Variants in PAPPA2 observed in about 807,000 individuals in gnomAD.
The protein encoded by PAPPA2 is pappalysin 2, also known as pappalysin-2.
Under a neutral mutation model 176.4 loss-of-function variants are expected in PAPPA2, and 86 were observed. The ratio of observed to expected loss-of-function variants is 0.49; its 90% CI spans 0.41 to 0.58. The LOEUF (loss-of-function observed/expected upper bound fraction) is 0.58. Among genes scored for constraint, PAPPA2 ranks in the 20% least tolerant of loss-of-function variants. The pLI is 0.00. For missense variants in PAPPA2, 2,073 were observed against 2,256.9 expected (o/e 0.92, Z 1.65); for synonymous variants, 809 against 852.2 (o/e 0.95, Z 0.88).
chr1:176,840,014 A>G (rs773535062), intron 21 of PAPPA2, among the ~76,000 whole-genome samples, 159 bp from the exon 22 acceptor site: 2 of 152,106 alleles, frequency 1.3e-5, no homozygotes, highest in Non-Finnish European at 2.9e-5. Flanking sequence ...GATTTTTTCA[A>G]CTTCTTGCAA....
At chr1:176,669,999 AACATTCCT>A (rs1238730754) in intron 3 of PAPPA2, among the ~76,000 whole-genome samples, 1 of 152,130 alleles carries the variant, frequency 6.6e-6, no homozygotes, top group Non-Finnish European at 1.5e-5. Context: ...CTGTGATAGG[AACATTCCT>A]ATCTCTGGAA....
At chr1:176,783,742 A>G in intron 17 of PAPPA2, among the ~76,000 whole-genome samples, 1 of 152,214 alleles carries the variant, frequency 6.6e-6, no homozygotes, top group East Asian at 1.9e-4. Flanking sequence ...AGCAAAGACC[A>G]AATGGGACAG....
Position 176,771,194 on chromosome 1 carries a change from T to A in PAPPA2, c.4715+14T>A. On this transcript the variant is annotated intron_variant, in intron 17 of 22. Transcript: ENST00000367662. Reference sequence around the variant, plus strand: ...TAAAGTCAGGAAGTAAGTTGAATGTTCCTGGTCTTTGGAGTTCTACCTACC... The same window carrying A: ...TAAAGTCAGGAAGTAAGTTGAATGTACCTGGTCTTTGGAGTTCTACCTACC... 1 of 1,612,052 alleles carries A rather than the reference T, an allele frequency of 6.2e-7. No homozygotes were observed. Among genetic ancestry groups the A allele is most frequent in the Non-Finnish European group, 8.5e-7 (1 of 1,178,152 alleles).
chr1:176,789,107 A>G (rs1042803131), intron 17 of PAPPA2, among the ~76,000 whole-genome samples: 2 of 152,182 alleles, frequency 1.3e-5, no homozygotes, highest in African/African-American at 2.4e-5. Flanking sequence ...CCCAATTACA[A>G]TTTAGATGCT....
chr1:176,523,681 G>A (rs962742561), intron 1 of PAPPA2, among the ~76,000 whole-genome samples: 35 of 151,928 alleles, frequency 2.3e-4, no homozygotes, highest in African/African-American at 8.2e-4. Context: ...GTAGACATTC[G>A]AGGAAGTCAA....
chr1:176,536,267 A>T (rs1395096728), intron 1 of PAPPA2, among the ~76,000 whole-genome samples: 3 of 152,222 alleles, frequency 2.0e-5, no homozygotes, highest in Non-Finnish European at 4.4e-5. Flanking sequence ...CTGGACTGCT[A>T]GGTAGGGTCC....
chr1:176,478,842 C>T (rs1652255292), intron 1 of PAPPA2, among the ~76,000 whole-genome samples: 1 of 152,168 alleles, frequency 6.6e-6, no homozygotes, highest in African/African-American at 2.4e-5. Flanking sequence ...TTCATGTATG[C>T]AGACCACATT....
At chr1:176,522,645 A>C (rs958554444) in intron 1 of PAPPA2, among the ~76,000 whole-genome samples, 1 of 152,160 alleles carries the variant, frequency 6.6e-6, no homozygotes, top group African/African-American at 2.4e-5. Flanking sequence ...TCTCTCTCTG[A>C]GTGTTAGGCA....
chr1:176,485,209 T>C (rs1488598560), intron 1 of PAPPA2, among the ~76,000 whole-genome samples: 2 of 152,178 alleles, frequency 1.3e-5, no homozygotes, highest in African/African-American at 4.8e-5. Flanking sequence ...ATAGATTACA[T>C]CAGTCTTCTG....
At chr1:176,755,520 A>G (rs150865741) in intron 14 of PAPPA2, among the ~76,000 whole-genome samples, 2 of 152,304 alleles carry the variant, frequency 1.3e-5, no homozygotes, top group African/African-American at 4.8e-5. Flanking sequence ...CAGGCTATGA[A>G]TGTAGTTGGG....
At chr1:176,508,732 C>T (rs1441512255) in intron 1 of PAPPA2, among the ~76,000 whole-genome samples, 1 of 151,862 alleles carries the variant, frequency 6.6e-6, no homozygotes. Flanking sequence ...GTGGATTTCT[C>T]CCTTGCTGTT....
intron 2 of PAPPA2, among the ~76,000 whole-genome samples, chr1:176,590,603 A>T (rs528252651): frequency 1.3e-5 from 2 of 152,280 alleles, no homozygotes; most frequent in East Asian, 3.9e-4. Flanking sequence ...ATTTTATTTA[A>T]TTCTCACAAC....
At chr1:176,837,832 A>T (rs1487079286) in intron 21 of PAPPA2, among the ~76,000 whole-genome samples, 1 of 152,238 alleles carries the variant, frequency 6.6e-6, no homozygotes, top group Admixed American at 6.5e-5. Flanking sequence ...GGGATCAATT[A>T]GTCATTTTTC....
chr1:176,769,078 C>T (rs768217882), intron 15 of PAPPA2, among the ~76,000 whole-genome samples: 1 of 152,168 alleles, frequency 6.6e-6, no homozygotes. Flanking sequence ...GAAAGGTTTA[C>T]CTTAGGAGTG....
At chr1:176,762,603 T>C (rs1427662425) in intron 14 of PAPPA2, among the ~76,000 whole-genome samples, 1 of 152,214 alleles carries the variant, frequency 6.6e-6, no homozygotes, top group Non-Finnish European at 1.5e-5. Flanking sequence ...GAAGAAGAGA[T>C]TATGTTTGGG....
At chr1:176,483,403 T>C (rs1652498012) in intron 1 of PAPPA2, among the ~76,000 whole-genome samples, 1 of 147,584 alleles carries the variant, frequency 6.8e-6, no homozygotes, top group African/African-American at 2.5e-5. Context: ...TACTAGGGCC[T>C]AGGGAAACTG....
At chr1:176,669,079 C>G (rs566001779) in intron 3 of PAPPA2, among the ~76,000 whole-genome samples, 91 of 152,218 alleles carry the variant, frequency 6.0e-4, no homozygotes, top group Middle Eastern at 6.8e-3. Context: ...GCCAGTAACA[C>G]ACAGATAGCC....
chr1:176,805,423 G>C lies in PAPPA2; in HGVS notation c.5202+5291G>C, dbSNP rs192642600. On this transcript the variant is annotated intron_variant, in intron 21 of 22. Coordinates refer to ENST00000367662, the MANE Select transcript of PAPPA2 (RefSeq NM_020318.3). The stretch of plus-strand genomic sequence containing the variant: ...TTCAACTCTTTGTTGATAGAGTTGT[G>C]CCCTTTCTTTTTAAAAAGAGAGAGC... 2.0e-5 allele frequency among the ~76,000 whole-genome samples: 3 copies of C among 152,180 alleles called. No homozygotes were observed. In the East Asian group the frequency reaches 5.8e-4, roughly 29 times the overall value.
intron 14 of PAPPA2, among the ~76,000 whole-genome samples, chr1:176,746,357 G>A (rs917390236): frequency 6.6e-6 from 1 of 152,148 alleles, no homozygotes; most frequent in African/African-American, 2.4e-5. Flanking sequence ...TGTGTCTTTC[G>A]TGTTCCACAC....
Sources: gnomAD v4.1 joint callset for allele counts (sites outside exome capture counted in the v4.1 genomes callset) on GRCh38, gnomAD v4.1.1 for gene constraint, MANE v1.5 for transcripts, NCBI Gene and HGNC (gene_info 2026-07-23, HGNC 2026-07-21) for gene names.